Variants in ZNF223 observed in about 807,000 individuals in gnomAD.
ZNF223 encodes the protein Homo sapiens zinc finger protein 223.
A neutral mutation model predicts 12.3 loss-of-function variants in ZNF223; 9 were observed. That is an observed-to-expected ratio of 0.73 (90% CI 0.44 to 1.28). The LOEUF (loss-of-function observed/expected upper bound fraction) is 1.28. Among genes scored for constraint, ZNF223 ranks in the 50% most tolerant of loss-of-function variants. The pLI is 0.00. For missense variants in ZNF223, 506 were observed against 579.0 expected (o/e 0.87, Z 1.29); for synonymous variants, 171 against 195.2 (o/e 0.88, Z 1.03).
chr19:44,056,585 A>ATTTTTTTTTTTTTTTTTTTTTTTTTTT lies in ZNF223; in HGVS notation c.15+1420_15+1421insTTTTTTTTTTTTTTTTTTTTTTTTTTT, dbSNP rs775187674. Among the ~76,000 whole-genome samples the ATTTTTTTTTTTTTTTTTTTTTTTTTTT allele has an allele frequency of 4.2e-5, 3 of 72,158 alleles. 1 individual carries two copies. Among genetic ancestry groups the ATTTTTTTTTTTTTTTTTTTTTTTTTTT allele is most frequent in the African/African-American group, 2.0e-4 (3 of 14,896 alleles). 47.3% of individuals were successfully genotyped at this position (72,158 alleles called of 152,430 possible). A position where few individuals can be genotyped will look rare whatever the true frequency, so the allele number is the denominator to read the frequency against. ...TCCTTATGGCATAAAATGCCTCACC[A>ATTTTTTTTTTTTTTTTTTTTTTTTTTT]TTTTTTTTTTTTTTTTTTTTTTTTT... is the stretch of plus-strand genomic sequence containing the variant. On this transcript the variant is annotated intron_variant, in intron 2 of 4. Coordinates refer to ENST00000434772, the MANE Select transcript of ZNF223 (RefSeq NM_013361.6).
intron 2 of ZNF223, among the ~76,000 whole-genome samples, chr19:44,059,380 C>A (rs1258991617): frequency 1.3e-5 from 2 of 152,138 alleles, no homozygotes; most frequent in Non-Finnish European, 2.9e-5. Flanking sequence ...TGGCAGGTGC[C>A]AGGTTCTGAC....
rs1042623367 is a variant in ZNF223, at chr19:44,066,903, CTT to C, written c.1078_1079del (p.Leu360AspfsTer15). ...GAAGAGCTTCAGACGGTCCTCCTAT[CTT>C]TTGATCCATCAGCGAGTCCACACTG... ...CGKSFRRSSY[L>X]LIHQRVHTGE... is the part of the protein sequence containing the mutation. On this transcript the variant is annotated frameshift_variant, in exon 5 of 5. Transcript: ENST00000434772. LOFTEE classifies it low-confidence loss of function (END_TRUNC). 1.9e-6 allele frequency: 3 copies of C among 1,614,024 alleles called. No homozygotes were observed. Among genetic ancestry groups the C allele is most frequent in the Admixed American group, 3.3e-5 (2 of 59,998 alleles).
At chr19:44,053,300 T>C (rs1976724848) in intron 1 of ZNF223, among the ~76,000 whole-genome samples, 1 of 152,076 alleles carries the variant, frequency 6.6e-6, no homozygotes, top group Non-Finnish European at 1.5e-5. Context: ...GATCACTATC[T>C]CTACTATCTT....
chr19:44,066,573 G>C lies in ZNF223; in HGVS notation c.745G>C (p.Val249Leu), dbSNP rs748299104. ...CTTCAGATGTAGATCAGCACTTACA[G>C]TTCATTGCAAATTACACATGGGAGA... ...RGFRCRSALT[V>L]HCKLHMGEKH... The change falls in exon 5 of 5, where the codon GTT becomes CTT. Residue 249 changes from valine (V) to leucine (L), a missense_variant. Transcript: ENST00000434772. The C allele has an allele frequency of 1.9e-6, 3 of 1,614,178 alleles. No individual in the cohort carries two copies. The highest frequency in any genetic ancestry group is 2.2e-5 in the East Asian group (1 of 44,880).
At chr19:44,060,216 T>G (rs1976818547) in intron 2 of ZNF223, 2 of 612,418 alleles carry the variant, frequency 3.3e-6, no homozygotes, top group Non-Finnish European at 2.7e-6. Flanking sequence ...GTAAACTCAA[T>G]GAGTTCACTA....
intron 4 of ZNF223, among the ~76,000 whole-genome samples, chr19:44,064,079 C>T (rs1454486709): frequency 6.6e-6 from 1 of 152,154 alleles, no homozygotes; most frequent in African/African-American, 2.4e-5. Context: ...TTCAGTATAA[C>T]CTGGACAGTT....
At chr19:44,055,896 T>G (rs1354405728) in intron 2 of ZNF223, among the ~76,000 whole-genome samples, 1 of 152,072 alleles carries the variant, frequency 6.6e-6, no homozygotes, top group African/African-American at 2.4e-5. Context: ...CCTAAACTCA[T>G]GAAATATGAG....
rs745369245 is a variant in ZNF223, at chr19:44,067,146, C to T, written c.1318C>T (p.Arg440Trp). ...GGATTGTGGAAAGAAGCTTGTATAC[C>T]GGTCATACCGTAAAGACCAACAAAA... The part of the protein sequence containing the change: ...CEDCGKKLVY[R>W]SYRKDQQKNH... Residue 440 changes from arginine to tryptophan, a missense_variant, in exon 5 of 5, where the codon CGG (arginine) becomes TGG (tryptophan). Physicochemically the swap from Arg to Trp is moderately radical, Grantham distance 101. Transcript: ENST00000434772. The T allele has an allele frequency of 1.8e-5, 29 of 1,613,348 alleles. No homozygotes were observed. The highest frequency in any genetic ancestry group is 6.7e-5 in the East Asian group (3 of 44,882).
Position 44,066,319 on chromosome 19 carries a change from A to T in ZNF223, c.491A>T (p.Asp164Val). 1 of 1,614,204 alleles carries T rather than the reference A, an allele frequency of 6.2e-7. No homozygotes were observed. Among genetic ancestry groups the T allele is most frequent in the Non-Finnish European group, 8.5e-7 (1 of 1,180,036 alleles). The change falls in exon 5 of 5, where the codon GAT (aspartate) becomes GTT (valine). Residue 164 changes from aspartate (D) to valine (V), a missense_variant. By Grantham distance (152) the Asp-to-Val change is radical. Transcript: ENST00000434772. ...KQSFSDMSIF[D>V]LPQQIRSAEK... ...TCCTTCAGTGATATGTCCATCTTTGATCTTCCTCAGCAAATACGCTCAGCA... is the reference window on the plus strand; with the variant it reads ...TCCTTCAGTGATATGTCCATCTTTGTTCTTCCTCAGCAAATACGCTCAGCA...
In ZNF223 at chr19:44,066,720, C is replaced by T. The variant is rs751296037; in HGVS notation, c.892C>T (p.Arg298Cys). ...ATGTGAGATATGTAGTGTGAGCTTC[C>T]GTCTTAGGTCAAGTCTTAATAGGCA... ...FKCEICSVSF[R>C]LRSSLNRHCV... The change falls in exon 5 of 5, where the codon CGT (arginine) becomes TGT (cysteine). Residue 298 changes from arginine (R) to cysteine (C), a missense_variant. Transcript: ENST00000434772. 45 of 1,613,974 alleles carry T rather than the reference C, an allele frequency of 2.8e-5. No homozygotes were observed. Among genetic ancestry groups the T allele is most frequent in the South Asian group, 1.1e-4 (10 of 91,066 alleles).
chr19:44,066,228 G>A lies in ZNF223; in HGVS notation c.400G>A (p.Val134Ile). 8 of 1,614,188 alleles carry A rather than the reference G, an allele frequency of 5.0e-6. No individual in the cohort carries two copies. Among genetic ancestry groups the A allele is most frequent in the Non-Finnish European group, 6.8e-6 (8 of 1,180,026 alleles). Residue 134 changes from valine to isoleucine, a missense_variant, in exon 5 of 5, where the codon GTT becomes ATT. By Grantham distance (29) the Val-to-Ile change is conservative. Coordinates refer to ENST00000434772, the MANE Select transcript of ZNF223 (RefSeq NM_013361.6). ...FFEQGDAHSQVEEGLSIMHTG... is the reference protein window; with the variant it reads ...FFEQGDAHSQIEEGLSIMHTG... The stretch of plus-strand genomic sequence containing the variant: ...TGAACAGGGTGATGCCCACTCCCAG[G>A]TTGAGGAAGGACTATCTATAATGCA...
At chr19:44,065,295 T>G (rs1429213962) in intron 4 of ZNF223, among the ~76,000 whole-genome samples, 1 of 152,218 alleles carries the variant, frequency 6.6e-6, no homozygotes, top group African/African-American at 2.4e-5. Flanking sequence ...TTAAGCCATC[T>G]TAAACTGAAA....
In ZNF223 at chr19:44,066,954, A is replaced by G. The variant is rs1456736669; in HGVS notation, c.1126A>G (p.Lys376Glu). ...HTGEKPYKCD[K>E]CGKSYITKSG... is the part of the protein sequence containing the mutation. ...TGGAGAAAAGCCATACAAATGTGACAAGTGTGGGAAGAGCTACATTACTAA... is the reference window on the plus strand; with the variant it reads ...TGGAGAAAAGCCATACAAATGTGACGAGTGTGGGAAGAGCTACATTACTAA... The change falls in exon 5 of 5, where the codon AAG (lysine) becomes GAG (glutamate). Residue 376 changes from lysine (K) to glutamate (E), a missense_variant. By Grantham distance (56) the Lys-to-Glu change is moderately conservative. Transcript: ENST00000434772. 5 of 1,614,036 alleles carry G rather than the reference A, an allele frequency of 3.1e-6. No individual in the cohort carries two copies. The Admixed American group carries it at 8.3e-5, about 27-fold the overall frequency.
At chr19:44,056,694 C>T (rs901109283) in intron 2 of ZNF223, among the ~76,000 whole-genome samples, 36 of 139,364 alleles carry the variant, frequency 2.6e-4, no homozygotes, top group Admixed American at 4.7e-4. Flanking sequence ...CCCGGGTTTA[C>T]GCCGTTCTCC....
chr19:44,060,698 ATAT>A, intron 3 of ZNF223, 48 bp from the exon 4 acceptor site: 1 of 1,613,646 alleles, frequency 6.2e-7, no homozygotes, highest in African/African-American at 1.3e-5. Flanking sequence ...TGTTACCGTG[ATAT>A]TATCTAGAAT....
chr19:44,060,440 T>A lies in ZNF223; in HGVS notation c.16-15T>A, dbSNP rs769847342. ...TTGGTAGTGAGATTGAGGTTGCATATGTTTGATGCTGTAGGAGGCAGTGAC... is the reference window on the plus strand; with the variant it reads ...TTGGTAGTGAGATTGAGGTTGCATAAGTTTGATGCTGTAGGAGGCAGTGAC... On this transcript the variant is annotated splice_polypyrimidine_tract_variant and intron_variant, in intron 2 of 4. Transcript: ENST00000434772. 1 of 1,613,530 alleles carries A rather than the reference T, an allele frequency of 6.2e-7. No individual in the cohort carries two copies. Among genetic ancestry groups the A allele is most frequent in the Admixed American group, 1.7e-5 (1 of 59,934 alleles).
chr19:44,062,048 G>A (rs1014767261), intron 4 of ZNF223, among the ~76,000 whole-genome samples: 2 of 152,172 alleles, frequency 1.3e-5, no homozygotes, highest in African/African-American at 2.4e-5. Context: ...TCAGTGCCTA[G>A]AATAGTCCTA....
chr19:44,066,017 G>T, intron 4 of ZNF223, 47 bp from the exon 5 acceptor site: 1 of 1,527,984 alleles, frequency 6.5e-7, no homozygotes, highest in Non-Finnish European at 8.8e-7. Context: ...TAAAAACACT[G>T]AACAGGGCAT....
chr19:44,057,740 A>G (rs1029723364), intron 2 of ZNF223, among the ~76,000 whole-genome samples: 2 of 152,220 alleles, frequency 1.3e-5, no homozygotes, highest in African/African-American at 2.4e-5. Context: ...ATGCTGCAAT[A>G]AGCATATGTG....
Sources: gnomAD v4.1 joint callset for allele counts (sites outside exome capture counted in the v4.1 genomes callset) on GRCh38, gnomAD v4.1.1 for gene constraint, MANE v1.5 for transcripts, NCBI Gene and HGNC (gene_info 2026-07-23, HGNC 2026-07-21) for gene names.